The following APOO variants were observed in gnomAD, a reference collection of about 807,000 sequenced individuals.
APOO encodes apolipoprotein O.
APOO carries 11 observed loss-of-function variants against 23.1 expected under a neutral mutation model. The ratio of observed to expected loss-of-function variants is 0.48; its 90% CI spans 0.30 to 0.79. The LOEUF (loss-of-function observed/expected upper bound fraction) is 0.79, where lower values mean the gene tolerates loss of function less well. APOO is among the 30% of genes least tolerant of loss of function. The probability of loss-of-function intolerance (pLI) is 0.07; values close to 1 mark genes in which losing one functional copy is unlikely to be tolerated. For synonymous variants in APOO, 59 were observed against 54.8 expected, an observed-to-expected ratio of 1.08 and a Z score of -0.34; for missense variants, 160 against 142.7, an observed-to-expected ratio of 1.12 and a Z score of -0.62.
intron 8 of APOO, among the ~76,000 whole-genome samples, 198 bp from the exon 9 acceptor site, chrX:23,833,810 C>T (rs1159712508): frequency 9.1e-6 from 1 of 110,018 alleles, no homozygotes; most frequent in African/African-American, 3.3e-5. Context: ...GGTGAAACCC[C>T]GTCTCTACTA....
chrX:23,851,792 G>T (rs924830676), intron 7 of APOO, among the ~76,000 whole-genome samples: 1 of 112,255 alleles, frequency 8.9e-6, no homozygotes, highest in African/African-American at 3.2e-5. Flanking sequence ...AGGGAAAAGG[G>T]ATGTGGCAGA....
At chrX:23,845,810 A>G (rs752978822) in intron 7 of APOO, among the ~76,000 whole-genome samples, 2 of 112,245 alleles carry the variant, frequency 1.8e-5, no homozygotes, top group Non-Finnish European at 3.8e-5. Context: ...TTAACAGCTC[A>G]GCTTTAGAAG....
chrX:23,907,908 C>A lies in APOO; in HGVS notation c.-206G>T. On this transcript the variant is annotated 5_prime_UTR_variant, in exon 1 of 9. Transcript: ENST00000379226. ...GAAGCCGCGTCGCTGAGCCGCAGCG[C>A]GTCGCGCCCGGGCAGCGGGTGAACG... 2 of 406,127 alleles carry A rather than the reference C, an allele frequency of 4.9e-6. No homozygotes were observed. The highest frequency in any genetic ancestry group is 1.2e-4 in the South Asian group (2 of 16,156). 33.5% of individuals were successfully genotyped at this position (406,127 alleles called of 1,213,427 possible).
intron 2 of APOO, 94 bp from the exon 3 acceptor site, chrX:23,879,128 T>G (rs952212265): frequency 1.6e-5 from 16 of 1,004,218 alleles, no homozygotes; most frequent in Non-Finnish European, 2.1e-5. Context: ...ATATTTCTAG[T>G]AATTCATGAA....
At chrX:23,880,559 C>G (rs991017796) in intron 2 of APOO, among the ~76,000 whole-genome samples, 1 of 109,659 alleles carries the variant, frequency 9.1e-6, no homozygotes, top group African/African-American at 3.3e-5. Flanking sequence ...ATTAGCCAGG[C>G]GTGGTGGCAC....
intron 1 of APOO, among the ~76,000 whole-genome samples, chrX:23,898,503 G>A (rs1048740071): frequency 9.0e-6 from 1 of 110,683 alleles, no homozygotes. Context: ...ATTCATGTGC[G>A]TTTTTCTTCT....
intron 7 of APOO, among the ~76,000 whole-genome samples, chrX:23,854,449 G>A (rs781152427): frequency 2.0e-4 from 23 of 112,273 alleles, no homozygotes; most frequent in Non-Finnish European, 3.9e-4. Flanking sequence ...TCTGTCTAGG[G>A]CTGTTTAGAG....
intron 5 of APOO, among the ~76,000 whole-genome samples, chrX:23,862,032 G>T (rs1490461298): frequency 9.1e-6 from 1 of 110,068 alleles, no homozygotes; most frequent in African/African-American, 3.3e-5. Flanking sequence ...TTGAACTCCT[G>T]ACCTCAGGTG....
chrX:23,874,596 T>C (rs932343387), intron 3 of APOO, 139 bp from the exon 4 acceptor site: 1 of 495,256 alleles, frequency 2.0e-6, no homozygotes, highest in Admixed American at 3.4e-5. Flanking sequence ...ACACTGTCTG[T>C]CTGGGTCTTT....
chrX:23,858,449 C>A, intron 6 of APOO, among the ~76,000 whole-genome samples, 193 bp downstream of exon 6: 1 of 112,010 alleles, frequency 8.9e-6, no homozygotes, highest in East Asian at 2.8e-4. Flanking sequence ...TGAACACTGG[C>A]ATTACTGGAA....
chrX:23,862,176 A>C (rs1273482970), intron 5 of APOO, among the ~76,000 whole-genome samples: 1 of 111,573 alleles, frequency 9.0e-6, no homozygotes, highest in Admixed American at 9.7e-5. Flanking sequence ...CCTGAAACAT[A>C]AAGGAGAAAG....
intron 1 of APOO, among the ~76,000 whole-genome samples, chrX:23,896,020 A>C (rs1926888730): frequency 9.0e-6 from 1 of 111,080 alleles, no homozygotes; most frequent in South Asian, 3.8e-4. Context: ...CTGTAATCCC[A>C]GCACTTTGGG....
At chrX:23,840,583 A>G (rs1484901481) in intron 7 of APOO, 2 of 303,784 alleles carry the variant, frequency 6.6e-6, no homozygotes, top group African/African-American at 2.8e-5. Context: ...CGACCATTAA[A>G]TATTATTTTA....
At chrX:23,897,506 A>G (rs1926949129) in intron 1 of APOO, among the ~76,000 whole-genome samples, 1 of 111,794 alleles carries the variant, frequency 8.9e-6, no homozygotes, top group Non-Finnish European at 1.9e-5. Flanking sequence ...ACTCCTATAT[A>G]TATGTGTTTT....
chrX:23,872,638 T>A (rs1218783558), intron 4 of APOO, among the ~76,000 whole-genome samples: 2 of 108,717 alleles, frequency 1.8e-5, no homozygotes, highest in Non-Finnish European at 3.8e-5. Context: ...CACATCAGGG[T>A]AAATGAAGTA....
chrX:23,863,990 T>C (rs1370578246), intron 5 of APOO, among the ~76,000 whole-genome samples: 1 of 108,653 alleles, frequency 9.2e-6, no homozygotes, highest in African/African-American at 3.3e-5. Flanking sequence ...ATGTGTGTGT[T>C]ATTGATTTTT....
At chrX:23,900,360 A>T (rs1927074812) in intron 1 of APOO, among the ~76,000 whole-genome samples, 1 of 111,637 alleles carries the variant, frequency 9.0e-6, no homozygotes, top group Admixed American at 9.6e-5. Flanking sequence ...GATCATGATC[A>T]GAGGACGCTG....
intron 1 of APOO, among the ~76,000 whole-genome samples, chrX:23,886,302 C>T (rs929273308): frequency 9.0e-6 from 1 of 111,237 alleles, no homozygotes; most frequent in East Asian, 2.8e-4. Flanking sequence ...ACTACTAGGC[C>T]GGGGAGGTGG....
chrX:23,879,734 G>A (rs1926024866), intron 2 of APOO, among the ~76,000 whole-genome samples: 1 of 111,994 alleles, frequency 8.9e-6, no homozygotes, highest in Non-Finnish European at 1.9e-5. Context: ...TAACCAAAGG[G>A]CATGTCATTC....
Sources: gnomAD v4.1 joint callset for allele counts (sites outside exome capture counted in the v4.1 genomes callset) on GRCh38, gnomAD v4.1.1 for gene constraint, MANE v1.5 for transcripts, NCBI Gene and HGNC (gene_info 2026-07-23, HGNC 2026-07-21) for gene names.